UBR3: variants seen among roughly 807,000 people sequenced by gnomAD.
UBR3 encodes ubiquitin protein ligase E3 component n-recognin 3.
Under a neutral mutation model 243.2 loss-of-function variants are expected in UBR3, and 85 were observed. The observed-to-expected ratio is 0.35, with a 90% CI of 0.29 to 0.42. UBR3 has a LOEUF of 0.42. Ranked by LOEUF, UBR3 falls within the 10% of genes least tolerant of loss-of-function variation. The probability of loss-of-function intolerance (pLI) is 1.00; values close to 1 mark genes in which losing one functional copy is unlikely to be tolerated. For synonymous variants in UBR3, 748 were observed against 799.8 expected (o/e 0.94, Z 1.09); for missense variants, 1,686 against 2,300.8 (o/e 0.73, Z 5.47).
At position 169,925,767 on chromosome 2, in the gene UBR3, C is replaced by T; in HGVS notation, c.2151+20C>T. On this transcript the variant is annotated intron_variant, in intron 14 of 38. Coordinates refer to ENST00000272793, the MANE Select transcript of UBR3 (RefSeq NM_172070.4). ...TTACAGGTAAGCCAGCTAGATAATGCAGATATACTTTAGAAGTGTCTCATT... is the reference window on the plus strand; with the variant it reads ...TTACAGGTAAGCCAGCTAGATAATGTAGATATACTTTAGAAGTGTCTCATT... The T allele has an allele frequency of 6.5e-7, 1 of 1,534,746 alleles. No homozygotes were observed. Among genetic ancestry groups the T allele is most frequent in the Non-Finnish European group, 8.8e-7 (1 of 1,139,394 alleles).
intron 8 of UBR3, 42 bp downstream of exon 8, chr2:169,896,777 T>G (rs769064532): frequency 7.2e-7 from 1 of 1,381,232 alleles, no homozygotes. Flanking sequence ...ATTATCAGTA[T>G]TATTATTCTA....
intron 10 of UBR3, among the ~76,000 whole-genome samples, chr2:169,907,253 A>G (rs903490469): frequency 5.9e-5 from 9 of 151,802 alleles, no homozygotes; most frequent in African/African-American, 2.2e-4. Context: ...TCCCGGTTCA[A>G]ATTTCTAACA....
At chr2:169,922,803 AC>A (rs977740466) in intron 11 of UBR3, among the ~76,000 whole-genome samples, 13 of 152,266 alleles carry the variant, frequency 8.5e-5, no homozygotes, top group Non-Finnish European at 1.5e-4. Context: ...TGGAGGGCAA[AC>A]TTTTATTTAT....
chr2:169,913,105 T>C (rs2085317795), intron 10 of UBR3, among the ~76,000 whole-genome samples: 1 of 152,182 alleles, frequency 6.6e-6, no homozygotes, highest in African/African-American at 2.4e-5. Flanking sequence ...TCCAAGCAGC[T>C]GTACCATTTT....
At chr2:169,986,216 A>T (rs2088996117) in intron 24 of UBR3, among the ~76,000 whole-genome samples, 1 of 152,160 alleles carries the variant, frequency 6.6e-6, no homozygotes. Context: ...TCTCTTTTAT[A>T]TTCTAGTAAA....
chr2:169,833,483 T>C (rs2105277061), intron 1 of UBR3, among the ~76,000 whole-genome samples: 1 of 152,338 alleles, frequency 6.6e-6, no homozygotes, highest in Admixed American at 6.5e-5. Flanking sequence ...GTCAGTAATT[T>C]TGAATTAAAT....
At chr2:169,951,888 G>A (rs1402564140) in intron 23 of UBR3, among the ~76,000 whole-genome samples, 1 of 152,162 alleles carries the variant, frequency 6.6e-6, no homozygotes, top group African/African-American at 2.4e-5. Flanking sequence ...GTCTTGAATG[G>A]TGCCCTGATT....
At chr2:170,058,432 A>T (rs542940458) in intron 33 of UBR3, among the ~76,000 whole-genome samples, 1 of 151,944 alleles carries the variant, frequency 6.6e-6, no homozygotes, top group Non-Finnish European at 1.5e-5. Context: ...ATTTCTGCTA[A>T]GAGTCTTTAT....
intron 6 of UBR3, among the ~76,000 whole-genome samples, chr2:169,892,465 CTTAAG>C (rs908068232): frequency 5.9e-5 from 9 of 152,260 alleles, no homozygotes; most frequent in Non-Finnish European, 1.3e-4. Context: ...TTTATGCAGA[CTTAAG>C]TTAAAGTGTT....
At chr2:170,037,409 A>G (rs1229900552) in intron 31 of UBR3, among the ~76,000 whole-genome samples, 2 of 151,714 alleles carry the variant, frequency 1.3e-5, no homozygotes, top group East Asian at 1.9e-4. Flanking sequence ...TTTTTTTGAG[A>G]CAGAGTCTTG....
intron 1 of UBR3, among the ~76,000 whole-genome samples, chr2:169,828,532 G>T (rs2081822376): frequency 6.6e-6 from 1 of 152,012 alleles, no homozygotes; most frequent in Non-Finnish European, 1.5e-5. Context: ...TCTTGTACGT[G>T]CAGGGAAGGA....
intron 24 of UBR3, among the ~76,000 whole-genome samples, chr2:169,974,451 A>T (rs998828677): frequency 6.6e-6 from 1 of 152,104 alleles, no homozygotes; most frequent in Non-Finnish European, 1.5e-5. Flanking sequence ...ATTGGTTGGC[A>T]TATAGTTGTT....
At chr2:169,983,237 G>A (rs1435106805) in intron 24 of UBR3, among the ~76,000 whole-genome samples, 1 of 142,698 alleles carries the variant, frequency 7.0e-6, no homozygotes, top group African/African-American at 2.7e-5. Context: ...TGTTGTTTTT[G>A]CCACATTCTC....
chr2:169,859,973 T>C (rs2083033454), intron 1 of UBR3, among the ~76,000 whole-genome samples: 1 of 152,174 alleles, frequency 6.6e-6, no homozygotes, highest in Non-Finnish European at 1.5e-5. Flanking sequence ...CGCCTCGGCC[T>C]CCCAAAGTGC....
At chr2:169,955,242 C>T (rs982671384) in intron 23 of UBR3, among the ~76,000 whole-genome samples, 4 of 152,084 alleles carry the variant, frequency 2.6e-5, no homozygotes, top group Non-Finnish European at 4.4e-5. Context: ...ACAATTAATA[C>T]GTAATTTGTG....
intron 1 of UBR3, among the ~76,000 whole-genome samples, chr2:169,867,136 T>C (rs1008554106): frequency 6.6e-6 from 1 of 152,208 alleles, no homozygotes; most frequent in Admixed American, 6.5e-5. Flanking sequence ...TTATATAAAA[T>C]TCAAACATTA....
intron 1 of UBR3, among the ~76,000 whole-genome samples, chr2:169,858,032 A>G (rs772766270): frequency 6.6e-6 from 1 of 152,234 alleles, no homozygotes; most frequent in African/African-American, 2.4e-5. Flanking sequence ...GGAGTTACCT[A>G]TTGTTGTGTA....
chr2:170,004,945 T>C (rs1353607443), intron 27 of UBR3, among the ~76,000 whole-genome samples: 5 of 151,100 alleles, frequency 3.3e-5, no homozygotes, highest in Admixed American at 2.0e-4. Flanking sequence ...AGAACAAGGC[T>C]GGGCATGGTG....
chr2:169,967,796 C>T (rs928783443), intron 24 of UBR3, among the ~76,000 whole-genome samples: 2 of 151,838 alleles, frequency 1.3e-5, no homozygotes, highest in Non-Finnish European at 2.9e-5. Context: ...ACAGTATAAG[C>T]AAATACCTAT....
Sources: gnomAD v4.1 joint callset for allele counts (sites outside exome capture counted in the v4.1 genomes callset) on GRCh38, gnomAD v4.1.1 for gene constraint, MANE v1.5 for transcripts, NCBI Gene and HGNC (gene_info 2026-07-23, HGNC 2026-07-21) for gene names.